SLC9A9: variants seen among roughly 807,000 people sequenced by gnomAD.
SLC9A9 encodes solute carrier family 9 member A9.
Under a neutral mutation model 77.8 loss-of-function variants are expected in SLC9A9, and 62 were observed. The ratio of observed to expected loss-of-function variants is 0.80; its 90% CI spans 0.65 to 0.98. The LOEUF (loss-of-function observed/expected upper bound fraction) is 0.98, where lower values mean the gene tolerates loss of function less well. Ranked by LOEUF, SLC9A9 falls within the 50% of genes least tolerant of loss-of-function variation. The pLI is 0.00. For missense variants in SLC9A9, 775 were observed against 774.9 expected (o/e 1.00, Z 0.00); for synonymous variants, 320 against 283.5 (o/e 1.13, Z -1.29).
At chr3:143,551,990 C>T (rs971052441) in intron 9 of SLC9A9, among the ~76,000 whole-genome samples, 1 of 152,042 alleles carries the variant, frequency 6.6e-6, no homozygotes, top group Non-Finnish European at 1.5e-5. Context: ...AAAGACCAAA[C>T]CTCACTTCCT....
chr3:143,395,135 T>C (rs536054481), intron 12 of SLC9A9, among the ~76,000 whole-genome samples: 4 of 152,216 alleles, frequency 2.6e-5, no homozygotes, highest in African/African-American at 7.2e-5. Flanking sequence ...GAGCCCGCAT[T>C]GCCAAGTCAA....
intron 5 of SLC9A9, among the ~76,000 whole-genome samples, chr3:143,674,017 T>G (rs914289781): frequency 6.6e-6 from 1 of 152,226 alleles, no homozygotes; most frequent in Non-Finnish European, 1.5e-5. Context: ...AATATCATGA[T>G]AGTGTTATCT....
intron 4 of SLC9A9, among the ~76,000 whole-genome samples, chr3:143,728,475 A>C (rs553413866): frequency 6.6e-6 from 1 of 152,288 alleles, no homozygotes; most frequent in South Asian, 2.1e-4. Flanking sequence ...TAAAGTGGGC[A>C]AGGGGTGAGA....
At chr3:143,330,704 G>T (rs1470526824) in intron 14 of SLC9A9, among the ~76,000 whole-genome samples, 1 of 152,098 alleles carries the variant, frequency 6.6e-6, no homozygotes, top group African/African-American at 2.4e-5. Flanking sequence ...AAATGTCAAT[G>T]GTGAATTAAC....
At chr3:143,656,445 T>TA (rs1173760209) in intron 5 of SLC9A9, among the ~76,000 whole-genome samples, 1 of 152,148 alleles carries the variant, frequency 6.6e-6, no homozygotes, top group East Asian at 1.9e-4. Context: ...CAATTTTTTT[T>TA]AAACTGCTGT....
chr3:143,709,350 T>G, intron 4 of SLC9A9, among the ~76,000 whole-genome samples: 1 of 152,052 alleles, frequency 6.6e-6, no homozygotes, highest in Non-Finnish European at 1.5e-5. Context: ...GAATAAGTGC[T>G]CGAAATTAAT....
At chr3:143,563,438 A>C (rs1169149488) in intron 8 of SLC9A9, among the ~76,000 whole-genome samples, 1 of 152,206 alleles carries the variant, frequency 6.6e-6, no homozygotes, top group Non-Finnish European at 1.5e-5. Flanking sequence ...AAAACGTGCA[A>C]TACTGGGAGT....
At chr3:143,715,296 C>T (rs972454201) in intron 4 of SLC9A9, among the ~76,000 whole-genome samples, 5 of 152,204 alleles carry the variant, frequency 3.3e-5, no homozygotes, top group Non-Finnish European at 7.3e-5. Context: ...CCACACAGCT[C>T]TCTTTCCAGG....
intron 2 of SLC9A9, among the ~76,000 whole-genome samples, chr3:143,813,772 T>A (rs2008932703): frequency 1.3e-5 from 2 of 152,208 alleles, no homozygotes; most frequent in African/African-American, 4.8e-5. Flanking sequence ...GAATTAACCC[T>A]TCAAGATTCT....
At chr3:143,430,103 G>C (rs1391869158) in intron 12 of SLC9A9, among the ~76,000 whole-genome samples, 1 of 152,160 alleles carries the variant, frequency 6.6e-6, no homozygotes. Flanking sequence ...GGCATTTTCA[G>C]TCTTATCAGT....
chr3:143,740,478 T>G (rs192057070), intron 4 of SLC9A9, among the ~76,000 whole-genome samples: 4 of 152,344 alleles, frequency 2.6e-5, no homozygotes, highest in African/African-American at 9.6e-5. Flanking sequence ...TTGTCCTAAT[T>G]AATAATGTTT....
At chr3:143,811,559 TCAC>T (rs2008864695) in intron 2 of SLC9A9, among the ~76,000 whole-genome samples, 1 of 152,042 alleles carries the variant, frequency 6.6e-6, no homozygotes. Flanking sequence ...CAAGAAGTGT[TCAC>T]TGGCCCGGCA....
intron 14 of SLC9A9, among the ~76,000 whole-genome samples, chr3:143,282,503 A>C (rs1429079327): frequency 6.6e-6 from 1 of 152,164 alleles, no homozygotes; most frequent in Non-Finnish European, 1.5e-5. Flanking sequence ...TCTCCTCCTT[A>C]CAATATAAGC....
At chr3:143,353,233 AC>A (rs2032509198) in intron 14 of SLC9A9, among the ~76,000 whole-genome samples, 1 of 152,054 alleles carries the variant, frequency 6.6e-6, no homozygotes. Flanking sequence ...AGTTGGCTAT[AC>A]CCCTCTCTGG....
chr3:143,670,005 A>C (rs1229309606), intron 5 of SLC9A9, among the ~76,000 whole-genome samples: 1 of 152,194 alleles, frequency 6.6e-6, no homozygotes, highest in Non-Finnish European at 1.5e-5. Flanking sequence ...AACACTTAAA[A>C]ATAACTTCAA....
At chr3:143,418,644 T>C (rs1014726825) in intron 12 of SLC9A9, among the ~76,000 whole-genome samples, 1 of 152,048 alleles carries the variant, frequency 6.6e-6, no homozygotes, top group South Asian at 2.1e-4. Context: ...GTGGCTGTGG[T>C]TGGTTTGTAA....
intron 4 of SLC9A9, among the ~76,000 whole-genome samples, chr3:143,755,290 T>A (rs2006884849): frequency 8.1e-6 from 1 of 123,332 alleles, no homozygotes; most frequent in South Asian, 2.5e-4. Flanking sequence ...TTCTCCAAGT[T>A]GAACATATTT....
intron 6 of SLC9A9, among the ~76,000 whole-genome samples, chr3:143,594,207 C>T (rs1003653177): frequency 2.0e-5 from 3 of 152,158 alleles, no homozygotes; most frequent in African/African-American, 7.2e-5. Flanking sequence ...TGTTAGTAAA[C>T]TGAGTGATCA....
Position 143,493,650 on chromosome 3 carries a change from T to TA in SLC9A9, c.1315+2dup. ...GCACTAACATATAACATAGTTCACATACCTGAAAACATCATCATGTGCTGA... is the reference window on the plus strand; with the variant it reads ...GCACTAACATATAACATAGTTCACATAACCTGAAAACATCATCATGTGCTGA... On this transcript the variant is annotated splice_region_variant and intron_variant, in intron 11 of 15. Coordinates refer to ENST00000316549, the MANE Select transcript of SLC9A9 (RefSeq NM_173653.4). 6.2e-7 allele frequency: 1 copy of TA among 1,610,192 alleles called. No individual in the cohort carries two copies. Among genetic ancestry groups the TA allele is most frequent in the Non-Finnish European group, 8.5e-7 (1 of 1,176,396 alleles).
Sources: gnomAD v4.1 joint callset for allele counts (sites outside exome capture counted in the v4.1 genomes callset) on GRCh38, gnomAD v4.1.1 for gene constraint, MANE v1.5 for transcripts, NCBI Gene and HGNC (gene_info 2026-07-23, HGNC 2026-07-21) for gene names.